GALNS: variants seen among roughly 807,000 people sequenced by gnomAD.
GALNS encodes the protein galactosamine (N-acetyl)-6-sulfatase.
Under a neutral mutation model 65.9 loss-of-function variants are expected in GALNS, and 65 were observed. The ratio of observed to expected loss-of-function variants is 0.99; its 90% CI spans 0.81 to 1.21. GALNS has a LOEUF of 1.21. Ranked by LOEUF, GALNS falls within the 50% of genes most tolerant of loss-of-function variation. The pLI is 0.00. For missense variants in GALNS, 776 were observed against 700.7 expected (o/e 1.11, Z -1.21); for synonymous variants, 346 against 288.9 (o/e 1.20, Z -2.00).
At chr16:88,837,087 G>T (rs1912218367) in intron 5 of GALNS, among the ~76,000 whole-genome samples, 1 of 152,264 alleles carries the variant, frequency 6.6e-6, no homozygotes, top group African/African-American at 2.4e-5. Flanking sequence ...CTTCCGCCAA[G>T]AAGAGTCAAG....
intron 9 of GALNS, among the ~76,000 whole-genome samples, chr16:88,827,404 C>T (rs951115886): frequency 2.0e-5 from 3 of 152,194 alleles, no homozygotes; most frequent in Non-Finnish European, 1.5e-5. Flanking sequence ...ATGAGCAGAG[C>T]GTGCCATCTG....
chr16:88,817,044 G>C, intron 13 of GALNS: 1 of 985,448 alleles, frequency 1.0e-6, no homozygotes, highest in South Asian at 4.7e-5. Flanking sequence ...ACTAGAGCGA[G>C]GGCCGCACGT....
chr16:88,824,100 A>C (rs1309273189), intron 11 of GALNS, among the ~76,000 whole-genome samples: 1 of 152,070 alleles, frequency 6.6e-6, no homozygotes, highest in Non-Finnish European at 1.5e-5. Flanking sequence ...TTTTCTTCCC[A>C]ATTAAGGCAG....
chr16:88,831,856 C>A (rs1911535248), intron 9 of GALNS, 142 bp downstream of exon 9: 1 of 719,208 alleles, frequency 1.4e-6, no homozygotes, highest in Non-Finnish European at 2.4e-6. Context: ...TGCGTGGAGG[C>A]TGAGCACAGG....
At position 88,856,859 on chromosome 16, in the gene GALNS, C is replaced by A; in HGVS notation, c.19G>T (p.Ala7Ser). The A allele has an allele frequency of 2.0e-6, 3 of 1,511,110 alleles. No homozygotes were observed. Among genetic ancestry groups the A allele is most frequent in the Non-Finnish European group, 2.6e-6 (3 of 1,138,510 alleles). The allele number at this position is 1,511,110 out of a possible 1,614,324, so 93.6% of individuals were successfully genotyped here. MAAVVA[A>S]TRWWQLLLVL... The stretch of plus-strand genomic sequence containing the variant: ...AGCAACAGCTGCCACCACCTCGTCG[C>A]CGCGACAACCGCCGCCATGGCAACC... The change falls in exon 1 of 14, where the codon GCG (alanine) becomes TCG (serine). Residue 7 changes from alanine (A) to serine (S), a missense_variant. Physicochemically the swap from Ala to Ser is moderately conservative, Grantham distance 99 (BLOSUM62 1). Transcript: ENST00000268695.
Position 88,834,981 on chromosome 16 carries a change from C to T in GALNS, c.898+232G>A, listed in dbSNP as rs577512188. ...CAGCCTCTTCCAAGACAAACCCTCT[C>T]CCCTGTGTCACCTCCTCCCCACCCC... On this transcript the variant is annotated intron_variant, in intron 8 of 13. Coordinates refer to ENST00000268695, the MANE Select transcript of GALNS (RefSeq NM_000512.5). 8.4e-4 allele frequency among the ~76,000 whole-genome samples: 128 copies of T among 151,702 alleles called. 1 individual carries two copies. The Middle Eastern group carries it at 0.01, about 12-fold the overall frequency.
At chr16:88,856,035 G>T in intron 1 of GALNS, 1 of 619,830 alleles carries the variant, frequency 1.6e-6, no homozygotes, top group South Asian at 1.8e-5. Flanking sequence ...GGTGTGTCTG[G>T]GGTCCTGCAC....
At chr16:88,835,662 CT>C in intron 7 of GALNS, 62 bp downstream of exon 7, 1 of 1,610,084 alleles carries the variant, frequency 6.2e-7, no homozygotes, top group Admixed American at 1.7e-5. Context: ...AGTGTCCCAT[CT>C]CTGGAGTCAA....
intron 9 of GALNS, among the ~76,000 whole-genome samples, chr16:88,831,179 G>A (rs548276884): frequency 1.3e-4 from 20 of 152,326 alleles, no homozygotes; most frequent in African/African-American, 3.6e-4. Flanking sequence ...CCTACACACC[G>A]AGAGCCACCG....
At chr16:88,847,463 GAGT>G (rs1967301986) in intron 1 of GALNS, among the ~76,000 whole-genome samples, 1 of 152,232 alleles carries the variant, frequency 6.6e-6, no homozygotes, top group South Asian at 2.1e-4. Flanking sequence ...CTCACCCACA[GAGT>G]AGGACTGCCA....
At chr16:88,823,424 G>C (rs1910457768) in intron 11 of GALNS, among the ~76,000 whole-genome samples, 1 of 152,272 alleles carries the variant, frequency 6.6e-6, no homozygotes, top group Admixed American at 6.5e-5. Flanking sequence ...AACATTCCCA[G>C]AGCGGGTGCT....
At chr16:88,847,909 C>T (rs927150554) in intron 1 of GALNS, among the ~76,000 whole-genome samples, 4 of 152,354 alleles carry the variant, frequency 2.6e-5, no homozygotes, top group Admixed American at 6.5e-5. Context: ...ACACCCACAG[C>T]GGCTCGCTCC....
At chr16:88,819,294 G>T (rs1296552556) in intron 12 of GALNS, among the ~76,000 whole-genome samples, 2 of 152,112 alleles carry the variant, frequency 1.3e-5, no homozygotes, top group African/African-American at 4.8e-5. Flanking sequence ...GGAGAGCTGG[G>T]GTCCTTCAGG....
In GALNS at chr16:88,814,297, T is replaced by C; in HGVS notation, c.*142A>G. 1.8e-6 allele frequency: 2 copies of C among 1,124,428 alleles called. No individual in the cohort carries two copies. Among genetic ancestry groups the C allele is most frequent in the Non-Finnish European group, 2.6e-6 (2 of 764,574 alleles). 69.7% of individuals were successfully genotyped at this position (1,124,428 alleles called of 1,614,324 possible). A position where few individuals can be genotyped will look rare whatever the true frequency, so the allele number is the denominator to read the frequency against. Reference sequence around the variant, plus strand: ...AGGGTCAGGTCCTGGGCAGGTGGAATTGTGCAGTCCCCCTGCGTCTGCAGG... The same window carrying C: ...AGGGTCAGGTCCTGGGCAGGTGGAACTGTGCAGTCCCCCTGCGTCTGCAGG... On this transcript the variant is annotated 3_prime_UTR_variant, in exon 14 of 14. Transcript: ENST00000268695.
At chr16:88,824,265 C>T (rs954227739) in intron 11 of GALNS, among the ~76,000 whole-genome samples, 5 of 151,982 alleles carry the variant, frequency 3.3e-5, no homozygotes, top group Non-Finnish European at 5.9e-5. Flanking sequence ...GGCGAGGGCT[C>T]GTGGGAGAAA....
At chr16:88,853,103 T>C (rs1456395659) in intron 1 of GALNS, among the ~76,000 whole-genome samples, 1 of 151,646 alleles carries the variant, frequency 6.6e-6, no homozygotes, top group African/African-American at 2.4e-5. Context: ...ATACAAAAAT[T>C]AGCTGGGCAC....
intron 1 of GALNS, chr16:88,856,103 G>A: frequency 4.3e-6 from 3 of 694,592 alleles, no homozygotes; most frequent in African/African-American, 1.7e-5. Context: ...CCCACAAGGA[G>A]TTAGGGAAGG....
At position 88,822,616 on chromosome 16, in the gene GALNS, C is replaced by T. The variant is rs1216998292; in HGVS notation, c.1337G>A (p.Arg446Gln). Residue 446 changes from arginine to glutamine, a missense_variant, in exon 12 of 14, where the codon CGG becomes CAG. Transcript: ENST00000268695. Reference sequence around the variant, plus strand: ...GAGGGGGAACCTCTCCCCTGGGTCCCGTCCCAGGTGGAAGATCAGGGGCAG... The same window carrying T: ...GAGGGGGAACCTCTCCCCTGGGTCCTGTCCCAGGTGGAAGATCAGGGGCAG... ...TKLPLIFHLG[R>Q]DPGERFPLSF... The T allele has an allele frequency of 2.5e-6, 4 of 1,612,826 alleles. No individual in the cohort carries two copies. The highest frequency in any genetic ancestry group is 1.7e-4 in the Middle Eastern group (1 of 6,060).
chr16:88,851,864 A>T (rs964030393), intron 1 of GALNS, among the ~76,000 whole-genome samples: 15 of 152,344 alleles, frequency 9.8e-5, no homozygotes, highest in African/African-American at 3.6e-4. Context: ...GGAAGCTCGA[A>T]CCGGGCAGAG....
Sources: gnomAD v4.1 joint callset for allele counts (sites outside exome capture counted in the v4.1 genomes callset) on GRCh38, gnomAD v4.1.1 for gene constraint, MANE v1.5 for transcripts, NCBI Gene and HGNC (gene_info 2026-07-23, HGNC 2026-07-21) for gene names.